The following EPHX2 variants were observed in gnomAD, a reference collection of about 807,000 sequenced individuals.
EPHX2 encodes the protein bifunctional epoxide hydrolase 2.
EPHX2 carries 74 observed loss-of-function variants against 78.7 expected under a neutral mutation model. That is an observed-to-expected ratio of 0.94 (90% CI 0.78 to 1.14). The LOEUF (loss-of-function observed/expected upper bound fraction) is 1.14, where lower values mean the gene tolerates loss of function less well. EPHX2 is among the 50% of genes most tolerant of loss of function. The pLI, the probability that EPHX2 is intolerant of heterozygous loss-of-function variation, is 0.00. For synonymous variants in EPHX2, 251 were observed against 255.2 expected, an observed-to-expected ratio of 0.98 and a Z score of 0.16; for missense variants, 715 against 702.5, an observed-to-expected ratio of 1.02 and a Z score of -0.20.
intron 1 of EPHX2, among the ~76,000 whole-genome samples, chr8:27,491,953 T>G (rs758562992): frequency 1.9e-4 from 19 of 102,280 alleles, no homozygotes; most frequent in Non-Finnish European, 3.3e-4. Flanking sequence ...TTTTTTTGTG[T>G]TTTTTTTTTT....
chr8:27,522,408 T>G lies in EPHX2; in HGVS notation c.973-15T>G, dbSNP rs1442565734. ...AGCCTCCCCACATTCGGCTCCCTTC[T>G]TTTTCCTTCTCTAGGGCCTCTCTCA... On this transcript the variant is annotated splice_polypyrimidine_tract_variant and intron_variant, in intron 10 of 18. Transcript: ENST00000521400. 2 of 1,612,930 alleles carry G rather than the reference T, an allele frequency of 1.2e-6. No individual in the cohort carries two copies. Among genetic ancestry groups the G allele is most frequent in the East Asian group, 4.5e-5 (2 of 44,852 alleles).
intron 5 of EPHX2, among the ~76,000 whole-genome samples, chr8:27,507,466 T>C (rs1814057024): frequency 6.6e-6 from 1 of 152,172 alleles, no homozygotes; most frequent in African/African-American, 2.4e-5. Flanking sequence ...TCCCTGGGGT[T>C]GCCTGGGGAT....
At position 27,491,329 on chromosome 8, in the gene EPHX2, C is replaced by A; in HGVS notation, c.101+20C>A. Reference sequence around the variant, plus strand: ...GCCCAGGTAAGGGGGCCCAGCGCCGCCGCCGCAGTGGGTCGGGGCCTCAGG... The same window carrying A: ...GCCCAGGTAAGGGGGCCCAGCGCCGACGCCGCAGTGGGTCGGGGCCTCAGG... On this transcript the variant is annotated intron_variant, in intron 1 of 18. Transcript: ENST00000521400. The A allele has an allele frequency of 2.1e-6, 3 of 1,460,406 alleles. No individual in the cohort carries two copies. The highest frequency in any genetic ancestry group is 2.7e-6 in the Non-Finnish European group (3 of 1,115,144). 90.5% of individuals were successfully genotyped at this position (1,460,406 alleles called of 1,614,324 possible).
intron 1 of EPHX2, among the ~76,000 whole-genome samples, chr8:27,499,797 G>A (rs1326775945): frequency 6.6e-6 from 1 of 152,098 alleles, no homozygotes; most frequent in African/African-American, 2.4e-5. Context: ...ATGTCAGCAG[G>A]GTTGGTTCCT....
At chr8:27,507,471 G>A (rs187659788) in intron 5 of EPHX2, among the ~76,000 whole-genome samples, 1 of 152,280 alleles carries the variant, frequency 6.6e-6, no homozygotes, top group East Asian at 1.9e-4. Flanking sequence ...GGGGTTGCCT[G>A]GGGATTAGCC....
intron 12 of EPHX2, among the ~76,000 whole-genome samples, chr8:27,535,064 GT>G (rs1373305179): frequency 6.6e-6 from 1 of 152,210 alleles, no homozygotes; most frequent in African/African-American, 2.4e-5. Context: ...GTGCAGGTGG[GT>G]GGTTAGAGGG....
At chr8:27,501,075 C>G (rs1022274678) in intron 2 of EPHX2, 65 bp downstream of exon 2, 80 of 1,431,532 alleles carry the variant, frequency 5.6e-5, no homozygotes, top group Non-Finnish European at 7.3e-5. Flanking sequence ...CCCATCTCCC[C>G]GAACTTGGGG....
chr8:27,501,849 A>G (rs549640514), intron 2 of EPHX2, among the ~76,000 whole-genome samples: 1 of 152,276 alleles, frequency 6.6e-6, no homozygotes, highest in African/African-American at 2.4e-5. Flanking sequence ...GGCTAGAGGG[A>G]AGAAGCCTGG....
intron 4 of EPHX2, among the ~76,000 whole-genome samples, 198 bp downstream of exon 4, chr8:27,505,344 G>C (rs1430914298): frequency 6.6e-6 from 1 of 152,156 alleles, no homozygotes; most frequent in Non-Finnish European, 1.5e-5. Flanking sequence ...TGGGCATTTG[G>C]CTCCATTGTA....
intron 2 of EPHX2, 64 bp downstream of exon 2, chr8:27,501,074 C>T (rs1170433251): frequency 6.9e-7 from 1 of 1,451,772 alleles, no homozygotes; most frequent in African/African-American, 1.4e-5. Context: ...GCCCATCTCC[C>T]CGAACTTGGG....
In EPHX2 at chr8:27,491,212, A is replaced by G. The variant is rs1235585858; in HGVS notation, c.4A>G (p.Thr2Ala). 1 of 1,581,072 alleles carries G rather than the reference A, an allele frequency of 6.3e-7. No individual in the cohort carries two copies. Among genetic ancestry groups the G allele is most frequent in the African/African-American group, 1.4e-5 (1 of 73,458 alleles). Residue 2 changes from threonine to alanine, a missense_variant, in exon 1 of 19, where the codon ACG (threonine) becomes GCG (alanine). Coordinates refer to ENST00000521400, the MANE Select transcript of EPHX2 (RefSeq NM_001979.6). Reference protein sequence around the residue: MTLRAAVFDLDG... With the variant: MALRAAVFDLDG... ...GCTAGGCTGCAGACCCGCCGCCATG[A>G]CGCTGCGCGCGGCCGTCTTCGACCT... is the stretch of plus-strand genomic sequence containing the variant.
chr8:27,531,185 C>T (rs1782024486), intron 12 of EPHX2, among the ~76,000 whole-genome samples: 1 of 152,206 alleles, frequency 6.6e-6, no homozygotes, highest in Admixed American at 6.5e-5. Flanking sequence ...GGTTTGGAGT[C>T]TGATGTTCTC....
chr8:27,525,193 A>G (rs188904724), intron 11 of EPHX2, among the ~76,000 whole-genome samples, 169 bp from the exon 12 acceptor site: 9 of 152,096 alleles, frequency 5.9e-5, no homozygotes, highest in African/African-American at 2.2e-4. Context: ...TGGACTAGGA[A>G]TCGAAAATCC....
intron 12 of EPHX2, among the ~76,000 whole-genome samples, chr8:27,526,974 T>G (rs1351150679): frequency 6.6e-6 from 1 of 152,152 alleles, no homozygotes; most frequent in Non-Finnish European, 1.5e-5. Context: ...GGAGTCGCCC[T>G]CTGTTGCCCA....
Position 27,503,659 on chromosome 8 carries a change from G to A in EPHX2, c.242G>A (p.Cys81Tyr). ...AAGTGCTCCGAGACCGCTAAAGTCTGCCTCCCCAAGAATTTCTCCATAAAA... is the reference window on the plus strand; with the variant it reads ...AAGTGCTCCGAGACCGCTAAAGTCTACCTCCCCAAGAATTTCTCCATAAAA... Reference protein sequence around the residue: ...CRKCSETAKVCLPKNFSIKEI... With the variant: ...CRKCSETAKVYLPKNFSIKEI... The change falls in exon 3 of 19, where the codon TGC becomes TAC. Residue 81 changes from cysteine to tyrosine, a missense_variant. Physicochemically the swap from Cys to Tyr is radical, Grantham distance 194. Coordinates refer to ENST00000521400, the MANE Select transcript of EPHX2 (RefSeq NM_001979.6). 6.2e-7 allele frequency: 1 copy of A among 1,613,922 alleles called. No homozygotes were observed.
chr8:27,503,545 A>C, intron 2 of EPHX2, 59 bp from the exon 3 acceptor site: 1 of 1,528,416 alleles, frequency 6.5e-7, no homozygotes, highest in South Asian at 1.2e-5. Flanking sequence ...GATTTAGTAG[A>C]CCCTGCCAGA....
At chr8:27,545,959 G>C (rs1401597374), downstream of EPHX2, among the ~76,000 whole-genome samples, 1 of 152,084 alleles carries the variant, frequency 6.6e-6, no homozygotes, top group South Asian at 2.1e-4. Context: ...ATTTAACCGA[G>C]AGGGAAACTG....
intron 11 of EPHX2, among the ~76,000 whole-genome samples, chr8:27,524,710 G>A (rs1273520004): frequency 1.3e-5 from 2 of 152,116 alleles, no homozygotes; most frequent in African/African-American, 4.8e-5. Flanking sequence ...GAAAAGCCAA[G>A]TTCAAATGCT....
downstream of EPHX2, among the ~76,000 whole-genome samples, chr8:27,546,183 T>C (rs2132814562): frequency 6.6e-6 from 1 of 150,692 alleles, no homozygotes; most frequent in Admixed American, 6.6e-5. Context: ...CCAGACCACC[T>C]AGGTTAGGCC....
Sources: gnomAD v4.1 joint callset for allele counts (sites outside exome capture counted in the v4.1 genomes callset) on GRCh38, gnomAD v4.1.1 for gene constraint, MANE v1.5 for transcripts, NCBI Gene and HGNC (gene_info 2026-07-23, HGNC 2026-07-21) for gene names.